DNAH14: variants seen among roughly 807,000 people sequenced by gnomAD.
The protein encoded by DNAH14 is dynein axonemal heavy chain 14, also known as axonemal beta dynein heavy chain 14.
A neutral mutation model predicts 520.9 loss-of-function variants in DNAH14; 478 were observed. The observed-to-expected ratio is 0.92, with a 90% CI of 0.85 to 0.99. DNAH14 has a LOEUF of 0.99. DNAH14 is among the 50% of genes least tolerant of loss of function. The pLI is 0.00. For synonymous variants in DNAH14, 1,581 were observed against 1,757.2 expected (o/e 0.90, Z 2.51); for missense variants, 4,831 against 5,234.5 (o/e 0.92, Z 2.38).
chr1:225,165,906 A>G (rs1002737914), intron 35 of DNAH14, among the ~76,000 whole-genome samples: 2 of 152,092 alleles, frequency 1.3e-5, no homozygotes, highest in Non-Finnish European at 2.9e-5. Flanking sequence ...TATTTTAATG[A>G]AAATGCGATT....
intron 25 of DNAH14, among the ~76,000 whole-genome samples, chr1:225,118,747 G>A (rs1051382133): frequency 1.3e-5 from 2 of 151,914 alleles, no homozygotes; most frequent in African/African-American, 4.8e-5. Flanking sequence ...GCTGATCGTG[G>A]TGGCAGGCAC....
chr1:224,938,755 C>T (rs909341780), intron 1 of DNAH14, among the ~76,000 whole-genome samples: 13 of 152,176 alleles, frequency 8.5e-5, no homozygotes, highest in African/African-American at 3.1e-4. Context: ...GTTATTGCAG[C>T]ACTATTCATA....
At chr1:225,172,207 C>T (rs1470930585) in intron 36 of DNAH14, among the ~76,000 whole-genome samples, 2 of 152,130 alleles carry the variant, frequency 1.3e-5, no homozygotes, top group Non-Finnish European at 2.9e-5. Flanking sequence ...TGGCACAAGA[C>T]AGGGATGCCC....
intron 48 of DNAH14, 62 bp downstream of exon 48, chr1:225,265,431 T>A: frequency 7.4e-7 from 1 of 1,346,342 alleles, no homozygotes; most frequent in Non-Finnish European, 9.9e-7. Flanking sequence ...TAGTTTATTT[T>A]AATTAATACT....
intron 23 of DNAH14, among the ~76,000 whole-genome samples, chr1:225,107,679 T>A (rs988113596): frequency 6.6e-6 from 1 of 152,186 alleles, no homozygotes; most frequent in African/African-American, 2.4e-5. Flanking sequence ...TGCTGAATCT[T>A]ATGGTAGCTC....
At chr1:225,171,449 T>C (rs2082652060) in intron 36 of DNAH14, among the ~76,000 whole-genome samples, 2 of 152,018 alleles carry the variant, frequency 1.3e-5, no homozygotes, top group African/African-American at 4.8e-5. Flanking sequence ...TCACCACCGA[T>C]CCCGCAGAAA....
intron 77 of DNAH14, among the ~76,000 whole-genome samples, chr1:225,373,741 G>A (rs1575082540): frequency 6.6e-6 from 1 of 152,188 alleles, no homozygotes; most frequent in East Asian, 1.9e-4. Context: ...TTTGAATTCA[G>A]TACCACGTGC....
intron 43 of DNAH14, among the ~76,000 whole-genome samples, chr1:225,241,896 T>A (rs949943411): frequency 1.1e-4 from 17 of 152,202 alleles, no homozygotes; most frequent in African/African-American, 4.1e-4. Flanking sequence ...ATAAATACTG[T>A]ACACTTAGGC....
chr1:224,970,880 C>G (rs2061466168), intron 7 of DNAH14, among the ~76,000 whole-genome samples: 1 of 152,088 alleles, frequency 6.6e-6, no homozygotes, highest in Non-Finnish European at 1.5e-5. Context: ...TATTGAGAGT[C>G]TGTTAAGAAC....
chr1:225,373,853 C>A lies in DNAH14; in HGVS notation c.12319-835C>A, dbSNP rs557523809. Among the ~76,000 whole-genome samples, 14 of 151,594 alleles carry A rather than the reference C, an allele frequency of 9.2e-5. No homozygotes were observed. In the South Asian group the frequency reaches 2.7e-3, roughly 29 times the overall value. ...AAAAGTGTATGTCCCAGGGCAGGCA[C>A]GGTGCCTCATGCCTGTAATCTCAGC... On this transcript the variant is annotated intron_variant, in intron 77 of 85. Coordinates refer to ENST00000682510, the MANE Select transcript of DNAH14 (RefSeq NM_001367479.1).
Position 225,303,194 on chromosome 1 carries a change from T to C in DNAH14, c.8670T>C (p.Ser2890=), listed in dbSNP as rs2094172688. ...ATCTTCATATTTTTGTGATCATGAG[T>C]CCTGAAGGACCTAGCTTCCGCCAAA... ...YKNLHIFVIM[S]PEGPSFRQNC... Residue 2890 remains serine (S), a synonymous_variant, in exon 57 of 86, where the codon AGT becomes AGC. Coordinates refer to ENST00000682510, the MANE Select transcript of DNAH14 (RefSeq NM_001367479.1). 2 of 1,526,030 alleles carry C rather than the reference T, an allele frequency of 1.3e-6. No individual in the cohort carries two copies. The highest frequency in any genetic ancestry group is 1.8e-6 in the Non-Finnish European group (2 of 1,137,634). The allele number at this position is 1,526,030 out of a possible 1,614,324, so 94.5% of individuals were successfully genotyped here.
chr1:225,331,346 G>C, intron 64 of DNAH14, 91 bp from the exon 65 acceptor site: 1 of 1,268,088 alleles, frequency 7.9e-7, no homozygotes, highest in Non-Finnish European at 1.1e-6. Context: ...AAATGAAATG[G>C]TAACACTATA....
chr1:224,990,976 ATAG>A (rs1278186927), intron 8 of DNAH14, among the ~76,000 whole-genome samples: 2 of 149,402 alleles, frequency 1.3e-5, no homozygotes, highest in Admixed American at 6.7e-5. Flanking sequence ...CATTTTTTTG[ATAG>A]TAGACTTTTG....
rs919929866 is a variant in DNAH14 at position 224,942,265 on chromosome 1, A to C, written c.-33-10405A>C. 3.9e-5 allele frequency among the ~76,000 whole-genome samples: 6 copies of C among 152,152 alleles called. No homozygotes were observed. The East Asian group carries it at 1.2e-3, about 29-fold the overall frequency. On this transcript the variant is annotated intron_variant, in intron 1 of 85. Transcript: ENST00000682510. ...ATTCCTAGGTATTTTATTCTCTTTG[A>C]AGCAATTGTGAATGGGAGTTCACTC...
chr1:224,974,621 G>T (rs2501140), intron 8 of DNAH14, among the ~76,000 whole-genome samples: 22,944 of 152,096 alleles, frequency 0.15, 3,190 homozygotes, highest in African/African-American at 0.36. Flanking sequence ...TACAGTCTAT[G>T]ATGACAGCCA....
intron 31 of DNAH14, chr1:225,151,791 T>A: frequency 1.5e-6 from 1 of 653,742 alleles, no homozygotes; most frequent in East Asian, 2.7e-5. Flanking sequence ...TTGGACATAA[T>A]CAAATACATC....
At chr1:225,378,468 G>A (rs1277184714) in intron 79 of DNAH14, among the ~76,000 whole-genome samples, 1 of 152,204 alleles carries the variant, frequency 6.6e-6, no homozygotes, top group Non-Finnish European at 1.5e-5. Context: ...GACCTCAGGC[G>A]ATCTGTAAAC....
In DNAH14 at chr1:225,331,427, T is replaced by A; in HGVS notation, c.9724-10T>A. Reference sequence around the variant, plus strand: ...ATATTTTTCTCAATAATGAATTAATTATCTTTCAGGTTGAAGAACATTTGC... The same window carrying A: ...ATATTTTTCTCAATAATGAATTAATAATCTTTCAGGTTGAAGAACATTTGC... On this transcript the variant is annotated splice_polypyrimidine_tract_variant and intron_variant, in intron 64 of 85. Coordinates refer to ENST00000682510, the MANE Select transcript of DNAH14 (RefSeq NM_001367479.1). The A allele has an allele frequency of 6.5e-7, 1 of 1,547,616 alleles. No homozygotes were observed. Among genetic ancestry groups the A allele is most frequent in the African/African-American group, 1.4e-5 (1 of 72,892 alleles).
At chr1:225,357,121 G>A (rs75723413) in intron 73 of DNAH14, among the ~76,000 whole-genome samples, 6,268 of 152,160 alleles carry the variant, frequency 0.041, 183 homozygotes, top group Middle Eastern at 0.075. Context: ...TGAAGGCAAG[G>A]ACTTTGCCTA....
Sources: gnomAD v4.1 joint callset for allele counts (sites outside exome capture counted in the v4.1 genomes callset) on GRCh38, gnomAD v4.1.1 for gene constraint, MANE v1.5 for transcripts, NCBI Gene and HGNC (gene_info 2026-07-23, HGNC 2026-07-21) for gene names.